XKR7: variants seen among roughly 807,000 people sequenced by gnomAD.
XKR7 encodes the protein XK related 7.
XKR7 carries 11 observed loss-of-function variants against 42.2 expected under a neutral mutation model. That is an observed-to-expected ratio of 0.26 (90% CI 0.16 to 0.43). The LOEUF is 0.43. Ranked by LOEUF, XKR7 falls within the 20% of genes least tolerant of loss-of-function variation. The probability of loss-of-function intolerance (pLI) is 1.00; values close to 1 mark genes in which losing one functional copy is unlikely to be tolerated. For synonymous variants in XKR7, 346 were observed against 366.4 expected (o/e 0.94, Z 0.64); for missense variants, 710 against 802.2 (o/e 0.89, Z 1.39).
At chr20:31,974,833 C>T (rs2064478327) in intron 1 of XKR7, among the ~76,000 whole-genome samples, 2 of 152,202 alleles carry the variant, frequency 1.3e-5, no homozygotes, top group Admixed American at 6.5e-5. Context: ...AGGTTCCTCC[C>T]TGCTCTGCCT....
In XKR7 at chr20:31,975,308, C is replaced by T. The variant is rs1266666918; in HGVS notation, c.584+6549C>T. On this transcript the variant is annotated intron_variant, in intron 1 of 2. Coordinates refer to ENST00000562532, the MANE Select transcript of XKR7 (RefSeq NM_001011718.2). ...CTAGAGCAAGTCCCTGTGCTTTAGC[C>T]TGGCTTTGAGGCCCTTTGCCCCCTG... Among the ~76,000 whole-genome samples, 6 of 152,014 alleles carry T rather than the reference C, an allele frequency of 3.9e-5. No individual in the cohort carries two copies. The South Asian group carries it at 1.0e-3, about 26-fold the overall frequency.
chr20:31,968,251 A>C lies in XKR7; in HGVS notation c.76A>C (p.Ser26Arg). 1 of 1,136,850 alleles carries C rather than the reference A, an allele frequency of 8.8e-7. No individual in the cohort carries two copies. Among genetic ancestry groups the C allele is most frequent in the Non-Finnish European group, 1.1e-6 (1 of 927,964 alleles). The allele number at this position is 1,136,850 out of a possible 1,614,324, so 70.4% of individuals were successfully genotyped here. ...GGGGGCTGCCGGTGGAGCCCGGGGC[A>C]GTGCCGGCGGGCGCGGGGAGGCGGC... ...PEGAAGGARG[S>R]AGGRGEAAAA... is the part of the protein sequence containing the mutation. Residue 26 changes from serine to arginine, a missense_variant, in exon 1 of 3, where the codon AGT becomes CGT. By Grantham distance (110) the Ser-to-Arg change is moderately radical (BLOSUM62 -1). Transcript: ENST00000562532. The surrounding 1 kb of genome is among the most constrained non-coding windows in gnomAD (Gnocchi z 4.5).
At chr20:31,974,482 T>C (rs1190712484) in intron 1 of XKR7, among the ~76,000 whole-genome samples, 2 of 152,214 alleles carry the variant, frequency 1.3e-5, no homozygotes, top group Non-Finnish European at 2.9e-5. Context: ...TGGCATGACT[T>C]GTCTGTGCCT....
At chr20:31,973,450 T>A (rs1330124895) in intron 1 of XKR7, among the ~76,000 whole-genome samples, 2 of 152,120 alleles carry the variant, frequency 1.3e-5, no homozygotes, top group Non-Finnish European at 2.9e-5. Flanking sequence ...TGATATATAT[T>A]ATATGGGATA....
chr20:31,992,459 A>G (rs2064574257), intron 1 of XKR7, among the ~76,000 whole-genome samples: 1 of 152,156 alleles, frequency 6.6e-6, no homozygotes, highest in African/African-American at 2.4e-5. Context: ...GGAGCGTGTG[A>G]GCAGTGAGTG....
Position 31,993,575 on chromosome 20 carries a change from G to A in XKR7, c.585-1493G>A, listed in dbSNP as rs578218688. 4.6e-5 allele frequency among the ~76,000 whole-genome samples: 7 copies of A among 152,210 alleles called. 1 individual carries two copies. The highest frequency in any genetic ancestry group is 4.1e-4 in the South Asian group (2 of 4,826). On this transcript the variant is annotated intron_variant, in intron 1 of 2. Coordinates refer to ENST00000562532, the MANE Select transcript of XKR7 (RefSeq NM_001011718.2). ...CATTCAGTTCAACAAGCCTGCAGTC[G>A]TGTTTCATTCATTCAGCCCATATAG... is the stretch of plus-strand genomic sequence containing the variant.
intron 1 of XKR7, among the ~76,000 whole-genome samples, chr20:31,983,597 A>G (rs894503515): frequency 1.3e-5 from 2 of 152,136 alleles, no homozygotes; most frequent in African/African-American, 4.8e-5. Flanking sequence ...GGTCCCCGGG[A>G]GGGACAAAGG....
At chr20:31,979,657 A>T (rs1441900993) in intron 1 of XKR7, among the ~76,000 whole-genome samples, 2 of 152,050 alleles carry the variant, frequency 1.3e-5, no homozygotes, top group Non-Finnish European at 2.9e-5. Context: ...CCTGGCTACC[A>T]TGTAGAATCT....
At chr20:31,978,297 G>A (rs1197206924) in intron 1 of XKR7, among the ~76,000 whole-genome samples, 1 of 152,174 alleles carries the variant, frequency 6.6e-6, no homozygotes, top group East Asian at 1.9e-4. Context: ...TTTTGTAGGG[G>A]CAGGGTCTCA....
In XKR7 at chr20:32,003,188, A is replaced by C. The variant is rs1462065950; in HGVS notation, c.*5731A>C. ...TCTTCTGTTTCCTTTTCCTGGTCCC[A>C]CCTCCTGGTATTTACTACATCTGTG... On this transcript the variant is annotated 3_prime_UTR_variant, in exon 3 of 3. Transcript: ENST00000562532. 3 of 151,546 alleles carry C rather than the reference A, an allele frequency of 2.0e-5. No homozygotes were observed. The highest frequency in any genetic ancestry group is 4.4e-5 in the Non-Finnish European group (3 of 67,972). 9.4% of individuals were successfully genotyped at this position (151,546 alleles called of 1,614,324 possible).
chr20:31,987,486 C>T (rs549263929), intron 1 of XKR7, among the ~76,000 whole-genome samples: 4 of 148,068 alleles, frequency 2.7e-5, no homozygotes, highest in South Asian at 4.3e-4. Flanking sequence ...ACAGACAGTC[C>T]ACCAAGTAGA....
intron 1 of XKR7, among the ~76,000 whole-genome samples, chr20:31,986,422 GC>G (rs1298929920): frequency 2.1e-5 from 2 of 96,976 alleles, no homozygotes; most frequent in Admixed American, 1.3e-4. Flanking sequence ...AGCATCCAAG[GC>G]ACAGACAGAC....
chr20:31,984,316 A>T (rs146106420), intron 1 of XKR7, among the ~76,000 whole-genome samples: 1 of 151,814 alleles, frequency 6.6e-6, no homozygotes, highest in African/African-American at 2.4e-5. Flanking sequence ...AGTTTACAAG[A>T]TCCCCCTGCT....
chr20:31,980,120 G>A (rs2064504886), intron 1 of XKR7, among the ~76,000 whole-genome samples: 1 of 137,830 alleles, frequency 7.3e-6, no homozygotes, highest in African/African-American at 3.0e-5. Context: ...GAAATGTTTG[G>A]CTTTAGCCCA....
chr20:31,975,894 G>C (rs192151833), intron 1 of XKR7, among the ~76,000 whole-genome samples: 2 of 152,076 alleles, frequency 1.3e-5, no homozygotes, highest in Non-Finnish European at 2.9e-5. Flanking sequence ...ACTTAGATTC[G>C]ATCATTTCTC....
In XKR7 at chr20:31,968,592, C is replaced by T. The variant is rs1486590310; in HGVS notation, c.417C>T (p.Ile139=). The change falls in exon 1 of 3, where the codon ATC becomes ATT. Residue 139 remains isoleucine (I), a synonymous_variant. Coordinates refer to ENST00000562532, the MANE Select transcript of XKR7 (RefSeq NM_001011718.2). The surrounding 1 kb of genome is among the most constrained non-coding windows in gnomAD (Gnocchi z 4.5). ...TKDSVAGGAA[I]STKDSAGAFR... ...ACAGCGTAGCCGGCGGAGCCGCCATCAGCACCAAGGACAGCGCCGGCGCCT... is the reference window on the plus strand; with the variant it reads ...ACAGCGTAGCCGGCGGAGCCGCCATTAGCACCAAGGACAGCGCCGGCGCCT... 6.2e-7 allele frequency: 1 copy of T among 1,609,478 alleles called. No homozygotes were observed. The highest frequency in any genetic ancestry group is 8.5e-7 in the Non-Finnish European group (1 of 1,179,146).
At chr20:31,987,471 A>G (rs964223103) in intron 1 of XKR7, among the ~76,000 whole-genome samples, 1 of 149,512 alleles carries the variant, frequency 6.7e-6, no homozygotes, top group Non-Finnish European at 1.5e-5. Flanking sequence ...CCCAGTATCC[A>G]AGGCACAGAC....
intron 1 of XKR7, among the ~76,000 whole-genome samples, chr20:31,985,680 G>A (rs1260477394): frequency 4.7e-5 from 6 of 127,880 alleles, no homozygotes; most frequent in African/African-American, 9.0e-5. Flanking sequence ...ACCACCAAGT[G>A]GACCCAGCAT....
At position 31,996,888 on chromosome 20, in the gene XKR7, G is replaced by T; in HGVS notation, c.1171G>T (p.Val391Phe). 1 of 1,613,900 alleles carries T rather than the reference G, an allele frequency of 6.2e-7. No individual in the cohort carries two copies. The highest frequency in any genetic ancestry group is 8.5e-7 in the Non-Finnish European group (1 of 1,180,034). Residue 391 changes from valine (V) to phenylalanine (F), a missense_variant, in exon 3 of 3, where the codon GTC becomes TTC. Transcript: ENST00000562532. ...CCGCATGACCCTCTACCACTGCATC[G>T]TCCTGCTGGAGAACGCCGCGCTCAC... ...RRRMTLYHCIVLLENAALTGF... is the reference protein window; with the variant it reads ...RRRMTLYHCIFLLENAALTGF...
Sources: allele counts gnomAD v4.1 joint callset (sites outside exome capture counted in the v4.1 genomes callset), GRCh38; gene constraint gnomAD v4.1.1; non-coding constraint Gnocchi (gnomAD v3.1); transcripts MANE v1.5; gene names NCBI Gene and HGNC (gene_info 2026-07-23, HGNC 2026-07-21).